Variants in KCNK9 observed in about 807,000 individuals in gnomAD.
KCNK9 encodes the protein potassium two pore domain channel subfamily K member 9.
KCNK9 carries 1 observed loss-of-function variant against 10.8 expected under a neutral mutation model. The observed-to-expected ratio is 0.09, with a 90% CI of 0.03 to 0.44. The LOEUF is 0.44. Among genes scored for constraint, KCNK9 ranks in the 20% least tolerant of loss-of-function variants. The probability of loss-of-function intolerance (pLI) is 0.97; values close to 1 mark genes in which losing one functional copy is unlikely to be tolerated. For missense variants in KCNK9, 303 were observed against 515.0 expected (o/e 0.59, Z 3.98); for synonymous variants, 231 against 222.7 (o/e 1.04, Z -0.33).
chr8:139,640,316 C>G (rs1228743854), intron 1 of KCNK9, among the ~76,000 whole-genome samples: 8 of 152,234 alleles, frequency 5.3e-5, no homozygotes, highest in Non-Finnish European at 8.8e-5. Context: ...GCCTCTCATC[C>G]TACCCCAAAA....
intron 1 of KCNK9, among the ~76,000 whole-genome samples, chr8:139,676,627 C>G (rs1172680376): frequency 6.6e-6 from 1 of 152,218 alleles, no homozygotes; most frequent in Non-Finnish European, 1.5e-5. Flanking sequence ...TATTTGCTCA[C>G]TTTGACCTTC....
chr8:139,620,576 T>C (rs1468051291), intron 1 of KCNK9, among the ~76,000 whole-genome samples: 1 of 152,092 alleles, frequency 6.6e-6, no homozygotes, highest in African/African-American at 2.4e-5. Flanking sequence ...CAGGGCTTCA[T>C]TGCCTGTGGC....
intron 2 of KCNK9, among the ~76,000 whole-genome samples, chr8:139,602,621 A>G (rs1053883140): frequency 2.6e-5 from 4 of 152,184 alleles, no homozygotes; most frequent in Middle Eastern, 3.2e-3. Flanking sequence ...GTCTTATTTA[A>G]TAATGTCTAC....
At chr8:139,641,527 G>A (rs561517497) in intron 1 of KCNK9, among the ~76,000 whole-genome samples, 12 of 152,268 alleles carry the variant, frequency 7.9e-5, no homozygotes, top group South Asian at 2.1e-4. Context: ...GGTGGACAGC[G>A]TCGATGACCG....
rs561699504 is a variant in KCNK9, at chr8:139,625,636, A to G, written c.284-6537T>C. On this transcript the variant is annotated intron_variant, in intron 1 of 1. Transcript: ENST00000520439. ...GCCTGATTTTCATGGCCTCTTTAAT[A>G]TACTTAGTGGGTCTCTTTGATCTGT... Among the ~76,000 whole-genome samples the G allele has an allele frequency of 5.3e-5, 8 of 151,912 alleles. No individual in the cohort carries two copies. In the South Asian group the frequency reaches 1.7e-3, roughly 32 times the overall value.
At chr8:139,675,845 T>G (rs530080016) in intron 1 of KCNK9, among the ~76,000 whole-genome samples, 10 of 152,126 alleles carry the variant, frequency 6.6e-5, no homozygotes, top group Non-Finnish European at 1.5e-4. Flanking sequence ...TCACCAAACC[T>G]CATAAACCTG....
intron 1 of KCNK9, among the ~76,000 whole-genome samples, chr8:139,641,917 T>C (rs1390399712): frequency 2.0e-5 from 3 of 152,142 alleles, no homozygotes; most frequent in African/African-American, 4.8e-5. Context: ...CTGGCAGAGC[T>C]CAGCTTCTGT....
chr8:139,684,509 A>G (rs1218533555), intron 1 of KCNK9, among the ~76,000 whole-genome samples: 1 of 152,188 alleles, frequency 6.6e-6, no homozygotes, highest in Non-Finnish European at 1.5e-5. Flanking sequence ...AAATATGAAC[A>G]TATACATAAC....
At chr8:139,661,531 G>A (rs1359847056) in intron 1 of KCNK9, among the ~76,000 whole-genome samples, 3 of 152,210 alleles carry the variant, frequency 2.0e-5, no homozygotes, top group Non-Finnish European at 4.4e-5. Flanking sequence ...CCACAGGAAG[G>A]GTATGCCCTC....
At chr8:139,679,952 A>G (rs919181034) in intron 1 of KCNK9, among the ~76,000 whole-genome samples, 7 of 152,162 alleles carry the variant, frequency 4.6e-5, no homozygotes, top group East Asian at 1.9e-4. Flanking sequence ...TGGGTCGCTC[A>G]GGAGGGATGG....
intron 2 of KCNK9, among the ~76,000 whole-genome samples, chr8:139,604,733 G>T (rs1193439744): frequency 6.6e-6 from 1 of 152,144 alleles, no homozygotes; most frequent in Admixed American, 6.5e-5. Context: ...TCTTACCAGG[G>T]CTCACGCCCA....
intron 1 of KCNK9, among the ~76,000 whole-genome samples, chr8:139,648,620 C>T (rs1317208424): frequency 3.9e-5 from 6 of 152,332 alleles, no homozygotes; most frequent in Admixed American, 6.5e-5. Flanking sequence ...GTGCCAGCCC[C>T]GTCACTGAGC....
rs113721409 is a variant in KCNK9, at chr8:139,670,383, G to A, written c.283+32327C>T. ...GGAAACAAATGACACCAGTGGGCTT[G>A]ATGACACGGGGTGCCACAAACCCTC... On this transcript the variant is annotated intron_variant, in intron 1 of 1. Coordinates refer to ENST00000520439, the MANE Select transcript of KCNK9 (RefSeq NM_001282534.2). Among the ~76,000 whole-genome samples, 356 of 152,280 alleles carry A rather than the reference G, an allele frequency of 2.3e-3. 2 individuals carry two copies. Among genetic ancestry groups the A allele is most frequent in the African/African-American group, 8.3e-3 (345 of 41,550 alleles).
At chr8:139,696,512 T>G (rs1191094458) in intron 1 of KCNK9, among the ~76,000 whole-genome samples, 2 of 152,214 alleles carry the variant, frequency 1.3e-5, no homozygotes, top group Middle Eastern at 3.2e-3. Context: ...ATGAGGGTAC[T>G]GTGCCTGCTC....
chr8:139,676,860 G>A (rs111756951), intron 1 of KCNK9, among the ~76,000 whole-genome samples: 2 of 152,210 alleles, frequency 1.3e-5, no homozygotes, highest in African/African-American at 4.8e-5. Flanking sequence ...GCTGAGGCAC[G>A]AGAATCATTT....
At chr8:139,600,906 C>T (rs1181871128), downstream of KCNK9, 1 of 152,182 alleles carries the variant, frequency 6.6e-6, no homozygotes, top group Non-Finnish European at 1.5e-5. Flanking sequence ...GGTGCTTTGA[C>T]TCACAGGGAG....
intron 2 of KCNK9, among the ~76,000 whole-genome samples, chr8:139,606,402 C>T (rs2130077290): frequency 6.6e-6 from 1 of 152,230 alleles, no homozygotes; most frequent in Middle Eastern, 3.4e-3. Context: ...AATCCAAAGA[C>T]CCACAGATAT....
At chr8:139,608,316 T>C (rs977414836), downstream of KCNK9, among the ~76,000 whole-genome samples, 1 of 152,000 alleles carries the variant, frequency 6.6e-6, no homozygotes, top group Non-Finnish European at 1.5e-5. Context: ...TGGGGGCAGA[T>C]TCCCACCCAG....
chr8:139,697,461 C>G (rs1309646612), intron 1 of KCNK9, among the ~76,000 whole-genome samples: 1 of 136,862 alleles, frequency 7.3e-6, no homozygotes, highest in African/African-American at 2.7e-5. Flanking sequence ...TGATGGGTGG[C>G]AGATGCACGG....
Sources: gnomAD v4.1 joint callset for allele counts (sites outside exome capture counted in the v4.1 genomes callset) on GRCh38, gnomAD v4.1.1 for gene constraint, MANE v1.5 for transcripts, NCBI Gene and HGNC (gene_info 2026-07-23, HGNC 2026-07-21) for gene names.